MVB12A: variants seen among roughly 807,000 people sequenced by gnomAD.
The protein encoded by MVB12A is CIN85/CD2AP family binding protein.
Under a neutral mutation model 34.3 loss-of-function variants are expected in MVB12A, and 30 were observed. The observed-to-expected ratio is 0.88, with a 90% confidence interval of 0.65 to 1.19. MVB12A has a LOEUF of 1.19. MVB12A is among the 50% of genes most tolerant of loss of function. MVB12A has a pLI of 0.00. For synonymous variants in MVB12A, 158 were observed against 158.9 expected, an observed-to-expected ratio of 0.99 and a Z score of 0.04; for missense variants, 355 against 369.2, an observed-to-expected ratio of 0.96 and a Z score of 0.31.
upstream of MVB12A, chr19:17,415,486 G>T (rs774242772): frequency 5.9e-5 from 9 of 151,870 alleles, no homozygotes; most frequent in Non-Finnish European, 1.0e-4. Context: ...GAAGGATTTA[G>T]AGCCCGGCAC....
exon 1 of MVB12A, chr19:17,405,756 G>T (rs1337554836): frequency 3.7e-6 from 2 of 535,180 alleles, no homozygotes; most frequent in Non-Finnish European, 6.3e-6. Context: ...TTCAGTTTCA[G>T]TTTCCCAGAA....
In MVB12A at chr19:17,420,293, G is replaced by T. The variant is rs747621670; in HGVS notation, c.91-20G>T. 3.7e-5 allele frequency: 58 copies of T among 1,578,996 alleles called. No homozygotes were observed. Among genetic ancestry groups the T allele is most frequent in the Non-Finnish European group, 3.4e-5 (40 of 1,161,810 alleles). Reference sequence around the variant, plus strand: ...CGCTGTGGGGTGGGAGTCCGGCGCTGACCCGCGTCCTCCCGGTAGATCTCC... The same window carrying T: ...CGCTGTGGGGTGGGAGTCCGGCGCTTACCCGCGTCCTCCCGGTAGATCTCC... On this transcript the variant is annotated intron_variant, in intron 1 of 8. Transcript: ENST00000317040.
At chr19:17,410,502 A>ATGTGTGTG (rs1428511601) in intron 2 of MVB12A, among the ~76,000 whole-genome samples, 8 of 43,740 alleles carry the variant, frequency 1.8e-4, no homozygotes, top group African/African-American at 7.2e-4. Flanking sequence ...AGCTTCATAT[A>ATGTGTGTG]TATATATATA....
chr19:17,424,701 G>A lies in MVB12A; in HGVS notation c.759+24G>A. 3 of 1,596,862 alleles carry A rather than the reference G, an allele frequency of 1.9e-6. No individual in the cohort carries two copies. The South Asian group carries it at 3.4e-5, about 18-fold the overall frequency. On this transcript the variant is annotated intron_variant, in intron 8 of 8. Coordinates refer to ENST00000317040, the MANE Select transcript of MVB12A (RefSeq NM_138401.4). ...AGGTGGGTGCAGGGCTAGGGAGGAG[G>A]TGGGTGCAGGGCTAGGGAGGAGGTG...
At chr19:17,409,060 C>A (rs1404401594) in intron 2 of MVB12A, among the ~76,000 whole-genome samples, 10 of 150,592 alleles carry the variant, frequency 6.6e-5, no homozygotes, top group African/African-American at 2.4e-4. Context: ...AACTTCTGAC[C>A]TCAGGTGATC....
At chr19:17,405,750 G>T in exon 1 of MVB12A, 3 of 541,568 alleles carry the variant, frequency 5.5e-6, no homozygotes, top group Non-Finnish European at 9.5e-6. Flanking sequence ...TAGGTTTTCA[G>T]TTTCAGTTTC....
In MVB12A at chr19:17,420,073, G is replaced by C. The variant is rs1007320352; in HGVS notation, c.-63G>C. The C allele has an allele frequency of 8.9e-7, 1 of 1,126,442 alleles. No individual in the cohort carries two copies. Among genetic ancestry groups the C allele is most frequent in the South Asian group, 3.0e-5 (1 of 33,656 alleles). The allele number at this position is 1,126,442 out of a possible 1,614,324, so 69.8% of individuals were successfully genotyped here. A position where few individuals can be genotyped will look rare whatever the true frequency, so the allele number is the denominator to read the frequency against. ...TAGTTCGGTCGCGAGCGCTGCCGTCGGGAGGCGCTCCGAGGTTCGAGGCTG... is the reference window on the plus strand; with the variant it reads ...TAGTTCGGTCGCGAGCGCTGCCGTCCGGAGGCGCTCCGAGGTTCGAGGCTG... On this transcript the variant is annotated 5_prime_UTR_variant, in exon 1 of 9. Transcript: ENST00000317040.
Position 17,425,011 on chromosome 19 carries a change from G to T in MVB12A, c.*18G>T, listed in dbSNP as rs1441071981. ...TCTCATAGTCCCTCACCCTTCCGCG[G>T]AAAGAGCCCCCTTACTCCACCTCCC... On this transcript the variant is annotated 3_prime_UTR_variant, in exon 9 of 9. Coordinates refer to ENST00000317040, the MANE Select transcript of MVB12A (RefSeq NM_138401.4). The T allele has an allele frequency of 5.1e-6, 8 of 1,558,212 alleles. No homozygotes were observed. Among genetic ancestry groups the T allele is most frequent in the Non-Finnish European group, 7.0e-6 (8 of 1,141,356 alleles).
At chr19:17,422,510 A>G (rs2074844847) in intron 4 of MVB12A, 52 bp downstream of exon 4, 1 of 1,539,062 alleles carries the variant, frequency 6.5e-7, no homozygotes, top group East Asian at 2.3e-5. Context: ...CCAACTCATG[A>G]TCTCACCAAT....
intron 2 of MVB12A, among the ~76,000 whole-genome samples, chr19:17,407,117 A>G (rs572801280): frequency 8.8e-4 from 134 of 152,278 alleles, no homozygotes; most frequent in Admixed American, 1.6e-3. Flanking sequence ...TTCCTCTCTT[A>G]GCATTGATTT....
At chr19:17,423,966 TC>T in intron 6 of MVB12A, 39 bp from the exon 7 acceptor site, 6 of 1,608,954 alleles carry the variant, frequency 3.7e-6, no homozygotes, top group Non-Finnish European at 5.1e-6. Context: ...GGTGGGCAGT[TC>T]CCTACACCTC....
chr19:17,407,667 G>C (rs1479014778), intron 2 of MVB12A, among the ~76,000 whole-genome samples: 1 of 152,214 alleles, frequency 6.6e-6, no homozygotes, highest in Admixed American at 6.5e-5. Flanking sequence ...GATGGAACAT[G>C]AAGGCGGACT....
At position 17,423,765 on chromosome 19, in the gene MVB12A, C is replaced by T. The variant is rs1319479468; in HGVS notation, c.606C>T (p.Ser202=). The change falls in exon 6 of 9, where the codon TCC becomes TCT. Residue 202 remains serine (S), a synonymous_variant. Transcript: ENST00000317040. ...SRASTLRRND[S]IYEASSLYGI... is the part of the protein sequence containing the mutation. ...CATCCACTCTGCGGAGGAATGACTC[C>T]ATCTACGAGGCCTCCAGCCTCTATG... The T allele has an allele frequency of 1.2e-6, 2 of 1,614,022 alleles. No homozygotes were observed. Among genetic ancestry groups the T allele is most frequent in the Admixed American group, 1.7e-5 (1 of 60,024 alleles).
At chr19:17,410,496 T>TTATATATGTGTGTA (rs1568387298) in intron 2 of MVB12A, among the ~76,000 whole-genome samples, 5 of 31,514 alleles carry the variant, frequency 1.6e-4, no homozygotes, top group East Asian at 5.8e-4. Flanking sequence ...GGTTTTAGCT[T>TTATATATGTGTGTA]CATATATATA....
intron 2 of MVB12A, among the ~76,000 whole-genome samples, chr19:17,410,256 G>C (rs1225936925): frequency 6.7e-6 from 1 of 150,276 alleles, no homozygotes; most frequent in Non-Finnish European, 1.5e-5. Context: ...CTGCAGCCTT[G>C]ACCTCCTGGG....
chr19:17,419,161 G>A (rs905190778), upstream of MVB12A: 4 of 152,106 alleles, frequency 2.6e-5, no homozygotes, highest in African/African-American at 9.7e-5. Context: ...TGCGTGTCTG[G>A]AGTCCCACCC....
Position 17,420,112 on chromosome 19 carries a change from C to T in MVB12A, c.-24C>T. The T allele has an allele frequency of 7.5e-7, 1 of 1,329,306 alleles. No individual in the cohort carries two copies. The highest frequency in any genetic ancestry group is 2.1e-5 in the South Asian group (1 of 47,074). The allele number at this position is 1,329,306 out of a possible 1,614,324, so 82.3% of individuals were successfully genotyped here. ...GGTTCGAGGCTGTGCCCCGCGACCC[C>T]GCCTTCGGCGCTCGGCTCGCAGGAT... On this transcript the variant is annotated 5_prime_UTR_variant, in exon 1 of 9. Transcript: ENST00000317040.
Position 17,425,058 on chromosome 19 carries a change from CCTCACT to C in MVB12A, c.*66_*71del. On this transcript the variant is annotated 3_prime_UTR_variant, in exon 9 of 9. Coordinates refer to ENST00000317040, the MANE Select transcript of MVB12A (RefSeq NM_138401.4). The stretch of plus-strand genomic sequence containing the variant: ...TCCCCGCCAGCCTGGGGCCACCCCC[CCTCACT>C]GCATCCTGGGGCCACCCCCACTCAC... The C allele has an allele frequency of 1.2e-6, 1 of 808,130 alleles. No individual in the cohort carries two copies. Among genetic ancestry groups the C allele is most frequent in the Non-Finnish European group, 2.0e-6 (1 of 487,934 alleles). 50.1% of individuals were successfully genotyped at this position (808,130 alleles called of 1,614,324 possible).
chr19:17,409,321 G>C (rs2074748845), intron 2 of MVB12A, among the ~76,000 whole-genome samples: 1 of 151,266 alleles, frequency 6.6e-6, no homozygotes, highest in Non-Finnish European at 1.5e-5. Context: ...AGGAGAGACG[G>C]GGTTTCGACA....
Sources: allele counts gnomAD v4.1 joint callset (sites outside exome capture counted in the v4.1 genomes callset), GRCh38; gene constraint gnomAD v4.1.1; transcripts MANE v1.5; gene names NCBI Gene and HGNC (gene_info 2026-07-23, HGNC 2026-07-21).